Variants in KANSL1L observed in about 807,000 individuals in gnomAD.
KANSL1L encodes the protein KAT8 regulatory NSL complex subunit 1 like.
KANSL1L carries 25 observed loss-of-function variants against 108.6 expected under a neutral mutation model. The ratio of observed to expected loss-of-function variants is 0.23; its 90% CI spans 0.17 to 0.32. The LOEUF is 0.32. Among genes scored for constraint, KANSL1L ranks in the 10% least tolerant of loss-of-function variants. The pLI is 1.00. For synonymous variants in KANSL1L, 405 were observed against 395.1 expected (o/e 1.03, Z -0.30); for missense variants, 1,137 against 1,125.7 (o/e 1.01, Z -0.14).
At chr2:210,042,544 C>A (rs2094176628) in intron 7 of KANSL1L, among the ~76,000 whole-genome samples, 1 of 152,110 alleles carries the variant, frequency 6.6e-6, no homozygotes, top group African/African-American at 2.4e-5. Context: ...TCTGGCTCAT[C>A]ATTTATTAGC....
At chr2:210,032,662 C>T (rs1408350276) in intron 8 of KANSL1L, 1 of 152,188 alleles carries the variant, frequency 6.6e-6, no homozygotes, top group Non-Finnish European at 1.5e-5. Context: ...AATGTCCCGC[C>T]CATCCCCAAA....
At chr2:210,084,965 TA>T (rs1161810723) in intron 5 of KANSL1L, among the ~76,000 whole-genome samples, 3 of 152,054 alleles carry the variant, frequency 2.0e-5, no homozygotes, top group African/African-American at 7.2e-5. Context: ...CTATTGAAAA[TA>T]AAAGAGACTT....
chr2:210,114,450 C>T (rs991852320), intron 3 of KANSL1L, among the ~76,000 whole-genome samples: 1 of 152,000 alleles, frequency 6.6e-6, no homozygotes, highest in African/African-American at 2.4e-5. Context: ...ACCTACTCTG[C>T]AGAAAATACT....
rs1355250079 is a variant in KANSL1L at position 210,021,808 on chromosome 2, T to A, written c.*1141A>T. On this transcript the variant is annotated 3_prime_UTR_variant, in exon 15 of 15. Coordinates refer to ENST00000281772, the MANE Select transcript of KANSL1L (RefSeq NM_152519.4). ...TGGTTTAATAGCTTCAAAAGGAATT[T>A]TCTTTCATGTATACTCTTCAGTATC... 6.6e-6 allele frequency: 1 copy of A among 151,820 alleles called. No homozygotes were observed. The highest frequency in any genetic ancestry group is 2.4e-5 in the African/African-American group (1 of 41,350). The allele number at this position is 151,820 out of a possible 1,614,324, so 9.4% of individuals were successfully genotyped here. A position where few individuals can be genotyped will look rare whatever the true frequency, so the allele number is the denominator to read the frequency against.
intron 4 of KANSL1L, 46 bp from the exon 5 acceptor site, chr2:210,098,253 T>C: frequency 6.3e-7 from 1 of 1,591,596 alleles, no homozygotes; most frequent in Non-Finnish European, 8.6e-7. Context: ...GCAAGAAATG[T>C]GAGTTAAAGC....
At chr2:210,139,602 G>T (rs1181671903) in intron 2 of KANSL1L, among the ~76,000 whole-genome samples, 1 of 152,152 alleles carries the variant, frequency 6.6e-6, no homozygotes, top group Non-Finnish European at 1.5e-5. Flanking sequence ...TTTAACAGGT[G>T]TGAGACGGTA....
chr2:210,046,710 T>A (rs1030463362), intron 6 of KANSL1L, among the ~76,000 whole-genome samples: 2 of 152,134 alleles, frequency 1.3e-5, no homozygotes, highest in Non-Finnish European at 2.9e-5. Flanking sequence ...TTATTCTGCC[T>A]CTGCCATTCA....
intron 4 of KANSL1L, among the ~76,000 whole-genome samples, chr2:210,099,014 C>CG (rs1292112965): frequency 2.0e-5 from 3 of 151,970 alleles, no homozygotes; most frequent in African/African-American, 7.2e-5. Context: ...CTGTAATCCA[C>CG]GTTCATCATA....
At chr2:210,028,280 C>T (rs184830882) in intron 11 of KANSL1L, 1 of 152,324 alleles carries the variant, frequency 6.6e-6, no homozygotes, top group Non-Finnish European at 1.5e-5. Flanking sequence ...TGTCCTGTGC[C>T]TTTGTTGTCG....
At chr2:210,027,489 T>TCTTTTA in intron 11 of KANSL1L, 139 bp from the exon 12 acceptor site, 1 of 613,092 alleles carries the variant, frequency 1.6e-6, no homozygotes, top group Non-Finnish European at 2.9e-6. Flanking sequence ...CTTAATTTTT[T>TCTTTTA]AAAAGAAAAA....
chr2:210,099,691 C>T (rs933788524), intron 4 of KANSL1L, among the ~76,000 whole-genome samples: 2 of 151,294 alleles, frequency 1.3e-5, no homozygotes, highest in African/African-American at 4.9e-5. Flanking sequence ...CTCCAAAAAA[C>T]ATCATCTAAA....
intron 6 of KANSL1L, among the ~76,000 whole-genome samples, chr2:210,065,034 G>C (rs1422564283): frequency 6.6e-6 from 1 of 151,682 alleles, no homozygotes; most frequent in Non-Finnish European, 1.5e-5. Flanking sequence ...CAAGCATGAT[G>C]GCTTACGTCT....
At position 210,171,408 on chromosome 2, in the gene KANSL1L, C is replaced by A; in HGVS notation, c.-289G>T. Reference sequence around the variant, plus strand: ...CGGGGGGACGGAACCCTGCCGCGGTCTGGGAGCAGTGGGCGGGGCCCGGCG... The same window carrying A: ...CGGGGGGACGGAACCCTGCCGCGGTATGGGAGCAGTGGGCGGGGCCCGGCG... On this transcript the variant is annotated 5_prime_UTR_variant, in exon 1 of 15. Coordinates refer to ENST00000281772, the MANE Select transcript of KANSL1L (RefSeq NM_152519.4). 1 of 159,422 alleles carries A rather than the reference C, an allele frequency of 6.3e-6. No individual in the cohort carries two copies. Among genetic ancestry groups the A allele is most frequent in the South Asian group, 1.7e-4 (1 of 5,818 alleles). 9.9% of individuals were successfully genotyped at this position (159,422 alleles called of 1,614,324 possible).
chr2:210,028,988 G>A lies in KANSL1L; in HGVS notation c.2272-19C>T, dbSNP rs1361563943. On this transcript the variant is annotated intron_variant, in intron 10 of 14. Coordinates refer to ENST00000281772, the MANE Select transcript of KANSL1L (RefSeq NM_152519.4). ...CAGTATTCTGCAAAACAGGATTACAGTAGATTTACAGTACTGTCTAGTTAC... is the reference window on the plus strand; with the variant it reads ...CAGTATTCTGCAAAACAGGATTACAATAGATTTACAGTACTGTCTAGTTAC... 1.2e-6 allele frequency: 2 copies of A among 1,601,492 alleles called. No homozygotes were observed.
At chr2:210,148,648 T>C (rs2095281886) in intron 2 of KANSL1L, among the ~76,000 whole-genome samples, 1 of 152,260 alleles carries the variant, frequency 6.6e-6, no homozygotes, top group Non-Finnish European at 1.5e-5. Flanking sequence ...TAAAGTCCGT[T>C]AGTAATATCA....
intron 6 of KANSL1L, among the ~76,000 whole-genome samples, chr2:210,055,202 GTGAAGAAGTACA>G (rs918837883): frequency 5.3e-5 from 8 of 152,178 alleles, no homozygotes; most frequent in African/African-American, 1.9e-4. Flanking sequence ...TTGCCGCCAC[GTGAAGAAGTACA>G]TGTTTGCTTC....
chr2:210,130,521 G>C (rs1256244957), intron 2 of KANSL1L, among the ~76,000 whole-genome samples: 1 of 151,954 alleles, frequency 6.6e-6, no homozygotes, highest in Non-Finnish European at 1.5e-5. Flanking sequence ...TTTCTGAAAG[G>C]CCACTGTTTT....
At chr2:210,087,553 G>A (rs2094649468) in intron 5 of KANSL1L, among the ~76,000 whole-genome samples, 1 of 152,128 alleles carries the variant, frequency 6.6e-6, no homozygotes, top group African/African-American at 2.4e-5. Context: ...TATGAATGCT[G>A]AGTATGGGCA....
intron 6 of KANSL1L, among the ~76,000 whole-genome samples, chr2:210,055,089 G>A (rs2094335877): frequency 6.6e-6 from 1 of 152,198 alleles, no homozygotes; most frequent in African/African-American, 2.4e-5. Context: ...CCCAGTGGGA[G>A]GTAATTGAAT....
Sources: allele counts gnomAD v4.1 joint callset (sites outside exome capture counted in the v4.1 genomes callset), GRCh38; gene constraint gnomAD v4.1.1; transcripts MANE v1.5; gene names NCBI Gene and HGNC (gene_info 2026-07-23, HGNC 2026-07-21).